The following YWHAE variants were observed in gnomAD, a reference collection of about 807,000 sequenced individuals.
YWHAE encodes tyrosine 3-monooxygenase/tryptophan 5-monooxygenase activation protein epsilon.
A neutral mutation model predicts 30.1 loss-of-function variants in YWHAE; 4 were observed. The ratio of observed to expected loss-of-function variants is 0.13; its 90% CI spans 0.07 to 0.30. YWHAE has a LOEUF of 0.30. YWHAE is among the 10% of genes least tolerant of loss of function. The pLI is 1.00. For missense variants in YWHAE, 121 were observed against 315.9 expected, an observed-to-expected ratio of 0.38 and a Z score of 4.68; for synonymous variants, 118 against 111.8, an observed-to-expected ratio of 1.06 and a Z score of -0.35.
chr17:1,352,815 G>A lies in YWHAE; in HGVS notation c.715+1396C>T, dbSNP rs142318010. Among the ~76,000 whole-genome samples, 481 of 152,238 alleles carry A rather than the reference G, an allele frequency of 3.2e-3. 4 individuals carry two copies. Among genetic ancestry groups the A allele is most frequent in the Non-Finnish European group, 4.3e-3 (294 of 68,016 alleles). On this transcript the variant is annotated intron_variant, in intron 5 of 5. Coordinates refer to ENST00000264335, the MANE Select transcript of YWHAE (RefSeq NM_006761.5). ...GCTGGGATTATAGGCATGAGCCACC[G>A]CGCCCGGCACAGCCTTAGAAACATT...
At position 1,400,170 on chromosome 17, in the gene YWHAE, C is replaced by A. The variant is rs996196650; in HGVS notation, c.-60G>T. 4 of 1,594,534 alleles carry A rather than the reference C, an allele frequency of 2.5e-6. No individual in the cohort carries two copies. In the Admixed American group the frequency reaches 6.7e-5, roughly 27 times the overall value. The stretch of plus-strand genomic sequence containing the variant: ...ATGGAAGCGGATAGTGTCTCCGACT[C>A]TCTCAGCCTCTCGCTCCGCGTCCGG... On this transcript the variant is annotated 5_prime_UTR_variant, in exon 1 of 6. Coordinates refer to ENST00000264335, the MANE Select transcript of YWHAE (RefSeq NM_006761.5).
At chr17:1,354,527 CTATGCTT>C (rs796412404) in intron 4 of YWHAE, among the ~76,000 whole-genome samples, 180 bp from the exon 5 acceptor site, 2 of 152,342 alleles carry the variant, frequency 1.3e-5, no homozygotes, top group African/African-American at 4.8e-5. Flanking sequence ...CTACTTCTTA[CTATGCTT>C]TAAGCCTGCT....
At position 1,400,201 on chromosome 17, in the gene YWHAE, A is replaced by G; in HGVS notation, c.-91T>C. ...GCCTCTCGCTCCGCGTCCGGGCAGC[A>G]AAAATGGCGGCGCCTCAATCCGGGA... is the stretch of plus-strand genomic sequence containing the variant. On this transcript the variant is annotated 5_prime_UTR_variant, in exon 1 of 6. Transcript: ENST00000264335. 1 of 1,499,178 alleles carries G rather than the reference A, an allele frequency of 6.7e-7. No homozygotes were observed. Among genetic ancestry groups the G allele is most frequent in the Non-Finnish European group, 9.3e-7 (1 of 1,081,072 alleles). 92.9% of individuals were successfully genotyped at this position (1,499,178 alleles called of 1,614,324 possible).
intron 2 of YWHAE, 147 bp from the exon 3 acceptor site, chr17:1,362,155 C>G (rs983146942): frequency 3.3e-5 from 18 of 549,788 alleles, no homozygotes; most frequent in Middle Eastern, 4.8e-4. Flanking sequence ...CTTCTTGACA[C>G]AAAAGCAGAG....
chr17:1,368,149 G>A (rs750031872), intron 1 of YWHAE, among the ~76,000 whole-genome samples: 1 of 152,152 alleles, frequency 6.6e-6, no homozygotes, highest in African/African-American at 2.4e-5. Context: ...CACTTTGGGA[G>A]GCCGAGGCAG....
At chr17:1,369,125 G>C (rs888656203) in intron 1 of YWHAE, among the ~76,000 whole-genome samples, 1 of 152,128 alleles carries the variant, frequency 6.6e-6, no homozygotes, top group Admixed American at 6.6e-5. Flanking sequence ...AGACTGTGTG[G>C]TAAAATTATA....
rs2150832886 is a variant in YWHAE, at chr17:1,344,853, G to A, written c.*594C>T. ...AAGTAGGCAAGAATGAGCAGCCACG[G>A]ATTGTTGAACTGTTACCAGCACCAT... On this transcript the variant is annotated 3_prime_UTR_variant, in exon 6 of 6. Transcript: ENST00000264335. 4.3e-6 allele frequency: 1 copy of A among 233,202 alleles called. No individual in the cohort carries two copies. Among genetic ancestry groups the A allele is most frequent in the Admixed American group, 5.6e-5 (1 of 17,776 alleles). The allele number at this position is 233,202 out of a possible 1,614,324, so 14.4% of individuals were successfully genotyped here.
chr17:1,356,251 C>A (rs1272842508), intron 4 of YWHAE, among the ~76,000 whole-genome samples: 2 of 151,604 alleles, frequency 1.3e-5, no homozygotes, highest in Non-Finnish European at 2.9e-5. Flanking sequence ...TGCCTGTAAT[C>A]CCAGCTACTC....
chr17:1,381,910 CAAAAAAAAAA>C (rs397754278), intron 1 of YWHAE, among the ~76,000 whole-genome samples: 3 of 43,928 alleles, frequency 6.8e-5, no homozygotes, highest in Non-Finnish European at 9.9e-5. Context: ...GACACTATGT[CAAAAAAAAAA>C]AAAAAAAAAA....
chr17:1,366,771 GTC>G (rs2072951426), intron 1 of YWHAE, among the ~76,000 whole-genome samples: 1 of 151,778 alleles, frequency 6.6e-6, no homozygotes, highest in Non-Finnish European at 1.5e-5. Context: ...GGTGAAACCC[GTC>G]TCTACTAAAA....
chr17:1,349,052 G>GTAA (rs1258485350), intron 5 of YWHAE, among the ~76,000 whole-genome samples: 1 of 146,720 alleles, frequency 6.8e-6, no homozygotes, highest in Non-Finnish European at 1.5e-5. Flanking sequence ...AAAAAAAGAT[G>GTAA]TAATACTAGG....
At chr17:1,376,165 A>G (rs1456708563) in intron 1 of YWHAE, among the ~76,000 whole-genome samples, 1 of 152,192 alleles carries the variant, frequency 6.6e-6, no homozygotes, top group Non-Finnish European at 1.5e-5. Context: ...TCAGATTTGA[A>G]TATTTATTTG....
intron 1 of YWHAE, among the ~76,000 whole-genome samples, chr17:1,365,437 C>A (rs2072927481): frequency 6.6e-6 from 1 of 152,176 alleles, no homozygotes; most frequent in South Asian, 2.1e-4. Flanking sequence ...AATGTATTGT[C>A]TCACAAATAA....
At chr17:1,394,025 A>T (rs955625189) in intron 1 of YWHAE, among the ~76,000 whole-genome samples, 2 of 152,178 alleles carry the variant, frequency 1.3e-5, no homozygotes, top group African/African-American at 4.8e-5. Flanking sequence ...ACAAGCATCA[A>T]GCATACGCTA....
chr17:1,344,993 A>G lies in YWHAE; in HGVS notation c.*454T>C, dbSNP rs567762458. 3.4e-5 allele frequency: 8 copies of G among 236,512 alleles called. No homozygotes were observed. Among genetic ancestry groups the G allele is most frequent in the East Asian group, 1.2e-4 (2 of 16,568 alleles). 14.7% of individuals were successfully genotyped at this position (236,512 alleles called of 1,614,324 possible). A position where few individuals can be genotyped will look rare whatever the true frequency, so the allele number is the denominator to read the frequency against. On this transcript the variant is annotated 3_prime_UTR_variant, in exon 6 of 6. Coordinates refer to ENST00000264335, the MANE Select transcript of YWHAE (RefSeq NM_006761.5). Reference sequence around the variant, plus strand: ...CTCAAGCTAACACCCAATTACTTGCAAACACTGGTATAAAACACAGTTTAA... The same window carrying G: ...CTCAAGCTAACACCCAATTACTTGCGAACACTGGTATAAAACACAGTTTAA...
chr17:1,380,116 T>C (rs2073182964), intron 1 of YWHAE, among the ~76,000 whole-genome samples: 1 of 149,670 alleles, frequency 6.7e-6, no homozygotes, highest in African/African-American at 2.5e-5. Context: ...CTAGACTTTT[T>C]TTTTTTTTTT....
rs543499657 is a variant in YWHAE, at chr17:1,362,010, TA to T, written c.265-3del. ...GATTAACTTTAGCTCAGTCTCAACC[TA>T]AAAAAAAAAAAATTTTTTTTAAATC... On this transcript the variant is annotated splice_polypyrimidine_tract_variant and splice_region_variant and intron_variant, in intron 2 of 5. Transcript: ENST00000264335. 90,047 of 1,040,988 alleles carry T rather than the reference TA, an allele frequency of 0.087. No homozygotes were observed. The highest frequency in any genetic ancestry group is 0.11 in the South Asian group (5,748 of 53,914). 64.5% of individuals were successfully genotyped at this position (1,040,988 alleles called of 1,614,324 possible). A position where few individuals can be genotyped will look rare whatever the true frequency, so the allele number is the denominator to read the frequency against.
chr17:1,392,785 G>C (rs556052635), intron 1 of YWHAE, among the ~76,000 whole-genome samples: 131 of 152,046 alleles, frequency 8.6e-4, no homozygotes, highest in Non-Finnish European at 1.6e-3. Context: ...AGGAGGCGGA[G>C]GCTGCAGTGA....
intron 1 of YWHAE, among the ~76,000 whole-genome samples, chr17:1,389,664 G>C (rs1192771314): frequency 1.3e-5 from 2 of 150,956 alleles, no homozygotes; most frequent in Non-Finnish European, 2.9e-5. Flanking sequence ...CTGAGCAGCT[G>C]GGACTACAGG....
Sources: allele counts gnomAD v4.1 joint callset (sites outside exome capture counted in the v4.1 genomes callset), GRCh38; gene constraint gnomAD v4.1.1; transcripts MANE v1.5; gene names NCBI Gene and HGNC (gene_info 2026-07-23, HGNC 2026-07-21).